RBCK1: variants seen among roughly 807,000 people sequenced by gnomAD.
RBCK1 encodes the protein RANBP2-type and C3HC4-type zinc finger containing 1.
A neutral mutation model predicts 71.1 loss-of-function variants in RBCK1; 44 were observed. The observed-to-expected ratio is 0.62, with a 90% CI of 0.49 to 0.80. The LOEUF (loss-of-function observed/expected upper bound fraction) is 0.80. RBCK1 is among the 30% of genes least tolerant of loss of function. RBCK1 has a pLI of 0.00. For missense variants in RBCK1, 569 were observed against 685.0 expected, an observed-to-expected ratio of 0.83 and a Z score of 1.89; for synonymous variants, 306 against 279.7, an observed-to-expected ratio of 1.09 and a Z score of -0.94.
intron 8 of RBCK1, among the ~76,000 whole-genome samples, chr20:423,409 A>C (rs1354749692): frequency 6.6e-6 from 1 of 152,366 alleles, no homozygotes; most frequent in African/African-American, 2.4e-5. Context: ...ACAGTCATTT[A>C]TTCAGCTCAT....
At position 408,662 on chromosome 20, in the gene RBCK1, A is replaced by C; in HGVS notation, c.-96A>C. On this transcript the variant is annotated 5_prime_UTR_variant, in exon 1 of 12. Coordinates refer to ENST00000356286, the MANE Select transcript of RBCK1 (RefSeq NM_031229.4). ...CGCCGGAGGCCACACGGCCTGGCTG[A>C]GTTGCTCCTGGTCTCCCGCCTCTCC... The C allele has an allele frequency of 6.6e-7, 1 of 1,525,102 alleles. No homozygotes were observed. The allele number at this position is 1,525,102 out of a possible 1,614,324, so 94.5% of individuals were successfully genotyped here.
intron 8 of RBCK1, among the ~76,000 whole-genome samples, chr20:424,877 G>A (rs1457682172): frequency 6.6e-6 from 1 of 152,150 alleles, no homozygotes; most frequent in African/African-American, 2.4e-5. Context: ...AGTGGAGGTT[G>A]TTTTTACAAA....
At chr20:412,512 C>T (rs2015768997) in intron 2 of RBCK1, among the ~76,000 whole-genome samples, 1 of 151,998 alleles carries the variant, frequency 6.6e-6, no homozygotes, top group African/African-American at 2.4e-5. Flanking sequence ...AGAGACGGGT[C>T]TTACCATGTT....
chr20:408,499 C>G lies in RBCK1; in HGVS notation c.-259C>G. 1.8e-6 allele frequency: 1 copy of G among 561,376 alleles called. No individual in the cohort carries two copies. The highest frequency in any genetic ancestry group is 3.2e-6 in the Non-Finnish European group (1 of 317,434). The allele number at this position is 561,376 out of a possible 1,614,324, so 34.8% of individuals were successfully genotyped here. A position where few individuals can be genotyped will look rare whatever the true frequency, so the allele number is the denominator to read the frequency against. ...TTCCCACCTCGGCTGGTCCCGTTTC[C>G]TCCTGCGCCCAGTGCGGACCTGTCT... On this transcript the variant is annotated 5_prime_UTR_variant, in exon 1 of 12. Transcript: ENST00000356286.
chr20:428,000 C>G (rs907149795), intron 9 of RBCK1, among the ~76,000 whole-genome samples: 4 of 152,172 alleles, frequency 2.6e-5, no homozygotes, highest in African/African-American at 7.2e-5. Context: ...CAAACCTAGA[C>G]AGCCCTACCT....
At chr20:419,290 A>G in intron 4 of RBCK1, 57 bp from the exon 5 acceptor site, 2 of 1,606,736 alleles carry the variant, frequency 1.2e-6, no homozygotes, top group Non-Finnish European at 1.7e-6. Context: ...ACCCACCCCC[A>G]TGGGTGTGGA....
chr20:414,529 C>T (rs903737618), intron 2 of RBCK1, among the ~76,000 whole-genome samples: 17 of 152,212 alleles, frequency 1.1e-4, no homozygotes, highest in African/African-American at 4.1e-4. Flanking sequence ...CTCTGCTGTT[C>T]ACCAGCGATC....
chr20:409,934 G>A lies in RBCK1; in HGVS notation c.76G>A (p.Val26Met). 1 of 1,614,096 alleles carries A rather than the reference G, an allele frequency of 6.2e-7. No homozygotes were observed. Among genetic ancestry groups the A allele is most frequent in the Non-Finnish European group, 8.5e-7 (1 of 1,180,034 alleles). ...TRAVAGGDEQ[V>M]AMKCAIWLAE... ...AGCAGTGGCGGGCGGGGATGAACAG[G>A]TGGCAATGAAGTGTGCCATCTGGCT... The change falls in exon 2 of 12, where the codon GTG (valine) becomes ATG (methionine). Residue 26 changes from valine (V) to methionine (M), a missense_variant. Physicochemically the swap from Val to Met is conservative, Grantham distance 21. Coordinates refer to ENST00000356286, the MANE Select transcript of RBCK1 (RefSeq NM_031229.4).
chr20:421,358 TGA>T (rs1029296504), intron 7 of RBCK1, among the ~76,000 whole-genome samples: 2 of 152,150 alleles, frequency 1.3e-5, no homozygotes, highest in African/African-American at 4.8e-5. Context: ...TGCCAGTTTC[TGA>T]GTCTCCTGTC....
At chr20:418,725 A>G (rs1203313416) in intron 4 of RBCK1, among the ~76,000 whole-genome samples, 2 of 152,112 alleles carry the variant, frequency 1.3e-5, no homozygotes, top group Non-Finnish European at 2.9e-5. Context: ...TTTCTGAACC[A>G]TTTTGAGAGT....
chr20:413,297 T>G (rs185351338), intron 2 of RBCK1, among the ~76,000 whole-genome samples: 1 of 152,192 alleles, frequency 6.6e-6, no homozygotes, highest in Admixed American at 6.5e-5. Flanking sequence ...ACGATCAGCT[T>G]GTCTGTTTCT....
chr20:427,043 C>G (rs1397534625), intron 8 of RBCK1, among the ~76,000 whole-genome samples: 1 of 151,880 alleles, frequency 6.6e-6, no homozygotes, highest in Non-Finnish European at 1.5e-5. Flanking sequence ...CTGTATTTCT[C>G]AGGCTGGTCT....
intron 2 of RBCK1, among the ~76,000 whole-genome samples, chr20:414,755 A>G (rs2015895262): frequency 6.6e-6 from 1 of 152,220 alleles, no homozygotes; most frequent in Admixed American, 6.5e-5. Flanking sequence ...TTGAAACCAT[A>G]TGCACTTTTA....
chr20:417,979 C>CA lies in RBCK1; in HGVS notation c.460+50dup. On this transcript the variant is annotated intron_variant, in intron 4 of 11. Coordinates refer to ENST00000356286, the MANE Select transcript of RBCK1 (RefSeq NM_031229.4). This position sits in a 1 kb window ranked among gnomAD's most constrained non-coding sequence, Gnocchi z 4.7. ...CCGGACCCAGCGGGGGCCCTGGACTCACTTGAGGGCATAGGGCAAGCAGGG... is the reference window on the plus strand; with the variant it reads ...CCGGACCCAGCGGGGGCCCTGGACTCAACTTGAGGGCATAGGGCAAGCAGGG... 2 of 1,549,334 alleles carry CA rather than the reference C, an allele frequency of 1.3e-6. No homozygotes were observed. Among genetic ancestry groups the CA allele is most frequent in the Non-Finnish European group, 8.7e-7 (1 of 1,148,460 alleles).
At position 417,966 on chromosome 20, in the gene RBCK1, GGGGCCCTGGACTCACTTGAGGGCATA is replaced by G; in HGVS notation, c.460+41_460+66del. On this transcript the variant is annotated intron_variant, in intron 4 of 11. Transcript: ENST00000356286. This position sits in a 1 kb window ranked among gnomAD's most constrained non-coding sequence, Gnocchi z 4.7. ...GCCCTGAGCACCGCCGGACCCAGCG[GGGGCCCTGGACTCACTTGAGGGCATA>G]GGGCAAGCAGGGGCAGAGCCCCTGG... 18 of 1,581,468 alleles carry G rather than the reference GGGGCCCTGGACTCACTTGAGGGCATA, an allele frequency of 1.1e-5. No homozygotes were observed. The highest frequency in any genetic ancestry group is 1.3e-5 in the Non-Finnish European group (15 of 1,169,338).
Position 428,683 on chromosome 20 carries a change from C to G in RBCK1, c.1308+94C>G. On this transcript the variant is annotated intron_variant, in intron 10 of 11. Transcript: ENST00000356286. The surrounding 1 kb of genome is among the most constrained non-coding windows in gnomAD (Gnocchi z 5.7). ...CCCAGTAAGGGCTGTGCTCACACAT[C>G]CCTGGAGGCTCTGACCTCCCTTCTG... 7.2e-7 allele frequency: 1 copy of G among 1,389,870 alleles called. No individual in the cohort carries two copies. Among genetic ancestry groups the G allele is most frequent in the Non-Finnish European group, 9.6e-7 (1 of 1,038,982 alleles). 86.1% of individuals were successfully genotyped at this position (1,389,870 alleles called of 1,614,324 possible). A position where few individuals can be genotyped will look rare whatever the true frequency, so the allele number is the denominator to read the frequency against.
At chr20:413,032 T>G (rs2015793807) in intron 2 of RBCK1, among the ~76,000 whole-genome samples, 1 of 152,220 alleles carries the variant, frequency 6.6e-6, no homozygotes, top group African/African-American at 2.4e-5. Flanking sequence ...CGGCACTATT[T>G]GTTAAGGCTG....
At chr20:426,793 A>G (rs1600310845) in intron 8 of RBCK1, among the ~76,000 whole-genome samples, 1 of 91,232 alleles carries the variant, frequency 1.1e-5, no homozygotes, top group Admixed American at 1.0e-4. Flanking sequence ...ACTTTCTTTC[A>G]CTTTCTTTTT....
rs2016060079 is a variant in RBCK1, at chr20:417,417, G to GTGTGCCA, written c.168-105_168-104insCCATGTG. On this transcript the variant is annotated intron_variant, in intron 2 of 11. Coordinates refer to ENST00000356286, the MANE Select transcript of RBCK1 (RefSeq NM_031229.4). The surrounding 1 kb of genome is among the most constrained non-coding windows in gnomAD (Gnocchi z 4.7). Reference sequence around the variant, plus strand: ...GGTTTGTGTGTGTGTGTGTGTGTGTGTGTGTGCATGGCCATGTGCCTGTGT... The same window carrying GTGTGCCA: ...GGTTTGTGTGTGTGTGTGTGTGTGTGTGTGCCATGTGTGCATGGCCATGTGCCTGTGT... 8 of 892,516 alleles carry GTGTGCCA rather than the reference G, an allele frequency of 9.0e-6. No individual in the cohort carries two copies. The highest frequency in any genetic ancestry group is 1.6e-5 in the African/African-American group (1 of 60,970). 55.3% of individuals were successfully genotyped at this position (892,516 alleles called of 1,614,324 possible).
Sources: gnomAD v4.1 joint callset for allele counts (sites outside exome capture counted in the v4.1 genomes callset) on GRCh38, gnomAD v4.1.1 for gene constraint, Gnocchi (gnomAD v3.1) non-coding constraint, MANE v1.5 for transcripts, NCBI Gene and HGNC (gene_info 2026-07-23, HGNC 2026-07-21) for gene names.